The following SPOCK1 variants were observed in gnomAD, a reference collection of about 807,000 sequenced individuals.
SPOCK1 encodes testican-1.
In SPOCK1, 23 loss-of-function variants were observed where a neutral mutation model predicts 55.3. That is an observed-to-expected ratio of 0.42 (90% CI 0.30 to 0.59). The LOEUF (loss-of-function observed/expected upper bound fraction) is 0.59, where lower values mean the gene tolerates loss of function less well. Among genes scored for constraint, SPOCK1 ranks in the 20% least tolerant of loss-of-function variants. SPOCK1 has a pLI of 0.22. For missense variants in SPOCK1, 499 were observed against 552.5 expected (o/e 0.90, Z 0.97); for synonymous variants, 226 against 221.0 (o/e 1.02, Z -0.20).
intron 2 of SPOCK1, among the ~76,000 whole-genome samples, chr5:137,271,757 A>G (rs1450484324): frequency 6.6e-6 from 1 of 150,974 alleles, no homozygotes; most frequent in Non-Finnish European, 1.5e-5. Flanking sequence ...CCAAATGAAA[A>G]CCCAATTGCC....
intron 2 of SPOCK1, among the ~76,000 whole-genome samples, chr5:137,411,437 A>T (rs1314059614): frequency 6.6e-6 from 1 of 152,076 alleles, no homozygotes; most frequent in Non-Finnish European, 1.5e-5. Context: ...ATCACCAAGG[A>T]CCTTGTTGGG....
chr5:137,312,001 T>G (rs540846198), intron 2 of SPOCK1, among the ~76,000 whole-genome samples: 22 of 152,332 alleles, frequency 1.4e-4, no homozygotes, highest in African/African-American at 5.3e-4. Context: ...AAGTTAGTCT[T>G]CCATTTCTAT....
intron 2 of SPOCK1, among the ~76,000 whole-genome samples, chr5:137,462,680 T>A (rs780205802): frequency 6.6e-6 from 1 of 152,210 alleles, no homozygotes; most frequent in Non-Finnish European, 1.5e-5. Context: ...GTCTAGCATA[T>A]TAAGCAGGGG....
chr5:137,244,246 C>A (rs561161663), intron 3 of SPOCK1, among the ~76,000 whole-genome samples: 2 of 152,240 alleles, frequency 1.3e-5, no homozygotes, highest in Non-Finnish European at 2.9e-5. Flanking sequence ...CTGCTAGTGG[C>A]ACAGGGATCC....
At chr5:137,317,286 A>G (rs1490156264) in intron 2 of SPOCK1, among the ~76,000 whole-genome samples, 11 of 152,206 alleles carry the variant, frequency 7.2e-5, no homozygotes, top group Non-Finnish European at 1.3e-4. Flanking sequence ...TTTAGGTCCT[A>G]CAGTGAAATT....
At chr5:137,244,284 G>T (rs994672305) in intron 3 of SPOCK1, among the ~76,000 whole-genome samples, 1 of 152,168 alleles carries the variant, frequency 6.6e-6, no homozygotes, top group Non-Finnish European at 1.5e-5. Flanking sequence ...AAAATTCAAC[G>T]TGTAGAAAAT....
chr5:137,081,648 G>A (rs1324836687), intron 5 of SPOCK1, among the ~76,000 whole-genome samples: 1 of 152,128 alleles, frequency 6.6e-6, no homozygotes, highest in Non-Finnish European at 1.5e-5. Flanking sequence ...CACAGATAAA[G>A]GTGACCAAAA....
chr5:137,353,208 C>A (rs1750719318), intron 2 of SPOCK1, among the ~76,000 whole-genome samples: 1 of 152,096 alleles, frequency 6.6e-6, no homozygotes, highest in Non-Finnish European at 1.5e-5. Flanking sequence ...GGCAAAACTC[C>A]ATCTCTGCAA....
chr5:137,077,803 G>A (rs1018027815), intron 5 of SPOCK1, among the ~76,000 whole-genome samples: 2 of 152,190 alleles, frequency 1.3e-5, no homozygotes, highest in African/African-American at 4.8e-5. Context: ...CCCACCTGAT[G>A]CAAGCTCCTA....
intron 3 of SPOCK1, among the ~76,000 whole-genome samples, chr5:137,202,663 C>T (rs1009229974): frequency 2.0e-5 from 3 of 152,158 alleles, no homozygotes; most frequent in African/African-American, 4.8e-5. Context: ...GTTAGGTGTT[C>T]ACAGGCTGAA....
intron 2 of SPOCK1, among the ~76,000 whole-genome samples, chr5:137,345,894 T>TCCAGCAGACACTGCAGGCACC (rs1165850449): frequency 3.3e-5 from 5 of 152,172 alleles, no homozygotes; most frequent in African/African-American, 4.8e-5. Context: ...CTGCAGGCAC[T>TCCAGCAGACACTGCAGGCACC]CCAGCAGACA....
intron 5 of SPOCK1, among the ~76,000 whole-genome samples, chr5:137,109,896 A>G (rs942390865): frequency 2.0e-4 from 30 of 152,352 alleles, no homozygotes; most frequent in African/African-American, 6.0e-4. Flanking sequence ...ATTTGAAATT[A>G]CATATTTATA....
chr5:137,013,531 T>C (rs1413561923), intron 6 of SPOCK1, among the ~76,000 whole-genome samples: 1 of 152,212 alleles, frequency 6.6e-6, no homozygotes, highest in Non-Finnish European at 1.5e-5. Flanking sequence ...CTTGCAGCTC[T>C]GAGGAACCCA....
chr5:137,115,908 T>C (rs967814794), intron 4 of SPOCK1, among the ~76,000 whole-genome samples: 3 of 152,190 alleles, frequency 2.0e-5, no homozygotes, highest in Admixed American at 6.5e-5. Context: ...GGGACTAAAA[T>C]TTTTAATCAA....
intron 6 of SPOCK1, among the ~76,000 whole-genome samples, chr5:136,995,289 G>A (rs1186344438): frequency 6.6e-6 from 1 of 152,172 alleles, no homozygotes; most frequent in African/African-American, 2.4e-5. Flanking sequence ...CACAAGCCAG[G>A]AACCAGCATC....
intron 4 of SPOCK1, among the ~76,000 whole-genome samples, chr5:137,130,610 G>T (rs939603795): frequency 6.6e-6 from 1 of 152,232 alleles, no homozygotes; most frequent in Non-Finnish European, 1.5e-5. Flanking sequence ...AGGCCACAGG[G>T]CCCCTTGTCA....
intron 3 of SPOCK1, among the ~76,000 whole-genome samples, chr5:137,266,270 G>A (rs1191152566): frequency 1.3e-5 from 2 of 152,178 alleles, no homozygotes; most frequent in African/African-American, 4.8e-5. Context: ...GTTTCATTGT[G>A]TTTTGGCATT....
rs565950912 is a variant in SPOCK1 at position 137,131,949 on chromosome 5, G to A, written c.347+8631C>T. 4.8e-4 allele frequency among the ~76,000 whole-genome samples: 54 copies of A among 113,198 alleles called. No homozygotes were observed. The East Asian group carries it at 0.011, about 24-fold the overall frequency. The allele number at this position is 113,198 out of a possible 152,430, so 74.3% of individuals were successfully genotyped here. ...ATCGCGCCACTGCACTCCAGCCTGGGCGACAGAGCGAGACTCCGTCTCAAA... is the reference window on the plus strand; with the variant it reads ...ATCGCGCCACTGCACTCCAGCCTGGACGACAGAGCGAGACTCCGTCTCAAA... On this transcript the variant is annotated intron_variant, in intron 4 of 10. Transcript: ENST00000394945.
chr5:137,206,774 T>C (rs556905608), intron 3 of SPOCK1, among the ~76,000 whole-genome samples: 2 of 152,380 alleles, frequency 1.3e-5, no homozygotes, highest in Non-Finnish European at 2.9e-5. Flanking sequence ...ATTATCTATG[T>C]TCCAGGCAAC....
Sources: gnomAD v4.1 joint callset for allele counts (sites outside exome capture counted in the v4.1 genomes callset) on GRCh38, gnomAD v4.1.1 for gene constraint, MANE v1.5 for transcripts, NCBI Gene and HGNC (gene_info 2026-07-23, HGNC 2026-07-21) for gene names.